Variants in SORCS1 observed in about 807,000 individuals in gnomAD.
The protein encoded by SORCS1 is VPS10 domain-containing receptor SorCS1.
In SORCS1, 60 loss-of-function variants were observed where a neutral mutation model predicts 146.1. The ratio of observed to expected loss-of-function variants is 0.41; its 90% CI spans 0.33 to 0.51. The LOEUF (loss-of-function observed/expected upper bound fraction) is 0.51. Ranked by LOEUF, SORCS1 falls within the 20% of genes least tolerant of loss-of-function variation. SORCS1 has a pLI of 0.21. For missense variants in SORCS1, 1,352 were observed against 1,487.6 expected, an observed-to-expected ratio of 0.91 and a Z score of 1.50; for synonymous variants, 637 against 584.0, an observed-to-expected ratio of 1.09 and a Z score of -1.31.
At chr10:106,922,040 T>C (rs1466161906) in intron 2 of SORCS1, among the ~76,000 whole-genome samples, 1 of 152,074 alleles carries the variant, frequency 6.6e-6, no homozygotes, top group Non-Finnish European at 1.5e-5. Context: ...TTAAGAAATA[T>C]AAGAAAGGTC....
At chr10:107,154,663 A>T (rs1969134747) in intron 1 of SORCS1, among the ~76,000 whole-genome samples, 1 of 152,198 alleles carries the variant, frequency 6.6e-6, no homozygotes, top group Non-Finnish European at 1.5e-5. Context: ...AAGAAAATAG[A>T]ACTGGACCGA....
chr10:106,767,438 T>C (rs900321155), intron 4 of SORCS1, among the ~76,000 whole-genome samples: 4 of 152,134 alleles, frequency 2.6e-5, no homozygotes, highest in Non-Finnish European at 5.9e-5. Flanking sequence ...TCTGGAGGTA[T>C]ATAGGAAAAT....
rs181088066 is a variant in SORCS1, at chr10:106,818,152, C to T, written c.726+11422G>A. ...TTAATCTCTTCTTAATATTATACCC[C>T]TAAATTTCATCAATAGTTCTGACTG... On this transcript the variant is annotated intron_variant, in intron 3 of 25. Coordinates refer to ENST00000263054, the MANE Select transcript of SORCS1 (RefSeq NM_052918.5). Among the ~76,000 whole-genome samples, 198 of 152,234 alleles carry T rather than the reference C, an allele frequency of 1.3e-3. 1 individual carries two copies. Among genetic ancestry groups the T allele is most frequent in the Non-Finnish European group, 2.0e-3 (138 of 68,020 alleles).
intron 3 of SORCS1, among the ~76,000 whole-genome samples, chr10:106,796,166 C>G (rs1205476265): frequency 1.3e-5 from 2 of 152,154 alleles, no homozygotes; most frequent in Non-Finnish European, 1.5e-5. Context: ...GCAAAACATA[C>G]AAGGACTGCC....
chr10:106,978,710 A>G (rs1395341390), intron 1 of SORCS1, among the ~76,000 whole-genome samples: 1 of 151,966 alleles, frequency 6.6e-6, no homozygotes, highest in Non-Finnish European at 1.5e-5. Context: ...AGGCAGGAGA[A>G]TCCCTTGAAC....
chr10:106,706,619 G>C lies in SORCS1; in HGVS notation c.1159C>G (p.Arg387Gly), dbSNP rs369334370. 1 of 1,614,032 alleles carries C rather than the reference G, an allele frequency of 6.2e-7. No individual in the cohort carries two copies. Among genetic ancestry groups the C allele is most frequent in the Admixed American group, 1.7e-5 (1 of 60,006 alleles). ...CGGTAGGACACGTAGTAATGTGGCC[G>C]CCCTCCTGATGTCAGCTGGATCATA... ...YVFVQLTSGG[R>G]PHYYVSYRRN... The change falls in exon 8 of 26, where the codon CGG becomes GGG. Residue 387 changes from arginine to glycine, a missense_variant. Physicochemically the swap from Arg to Gly is moderately radical, Grantham distance 125. Transcript: ENST00000263054.
chr10:106,702,021 T>C (rs535866933), intron 8 of SORCS1, among the ~76,000 whole-genome samples: 5 of 152,236 alleles, frequency 3.3e-5, no homozygotes, highest in South Asian at 4.1e-4. Context: ...CCTAACTATA[T>C]ACACGATAAG....
intron 4 of SORCS1, among the ~76,000 whole-genome samples, chr10:106,772,985 T>C (rs975295428): frequency 6.6e-6 from 1 of 152,042 alleles, no homozygotes; most frequent in African/African-American, 2.4e-5. Flanking sequence ...TGGCTATGTG[T>C]TCAAAAGACG....
intron 5 of SORCS1, among the ~76,000 whole-genome samples, chr10:106,740,527 G>C (rs1857290418): frequency 6.6e-6 from 1 of 152,100 alleles, no homozygotes; most frequent in Admixed American, 6.5e-5. Context: ...ATGGAACACA[G>C]AGAAATTAAA....
At chr10:107,035,521 C>T (rs1958870056) in intron 1 of SORCS1, among the ~76,000 whole-genome samples, 1 of 152,094 alleles carries the variant, frequency 6.6e-6, no homozygotes, top group Non-Finnish European at 1.5e-5. Context: ...TCATTAGTAA[C>T]AAATTAAAAG....
chr10:106,791,182 A>G (rs959388691), intron 3 of SORCS1, among the ~76,000 whole-genome samples: 4 of 152,198 alleles, frequency 2.6e-5, no homozygotes, highest in Admixed American at 6.5e-5. Flanking sequence ...CCCACTTTAA[A>G]GCCGCACTTC....
At chr10:106,919,650 T>C (rs376110068) in intron 2 of SORCS1, among the ~76,000 whole-genome samples, 13 of 152,314 alleles carry the variant, frequency 8.5e-5, no homozygotes, top group African/African-American at 3.1e-4. Context: ...CGGTACTACA[T>C]AGTAAATGTC....
At position 106,677,409 on chromosome 10, in the gene SORCS1, A is replaced by G. The variant is rs752806905; in HGVS notation, c.1741-5T>C. 8 of 1,613,652 alleles carry G rather than the reference A, an allele frequency of 5.0e-6. No homozygotes were observed. The highest frequency in any genetic ancestry group is 8.5e-7 in the Non-Finnish European group (1 of 1,179,602). ...ACTGTGCTCTTCTTCAAAGATCTGG[A>G]TGAGGAAAACACATACATGGACACA... On this transcript the variant is annotated splice_region_variant and splice_polypyrimidine_tract_variant and intron_variant, in intron 12 of 25. Coordinates refer to ENST00000263054, the MANE Select transcript of SORCS1 (RefSeq NM_052918.5).
intron 2 of SORCS1, among the ~76,000 whole-genome samples, chr10:106,942,014 A>T (rs1589754371): frequency 6.6e-6 from 1 of 152,232 alleles, no homozygotes; most frequent in Non-Finnish European, 1.5e-5. Context: ...GGAATTGACA[A>T]GTAGATCTAG....
At chr10:107,013,947 C>A (rs1355394897) in intron 1 of SORCS1, among the ~76,000 whole-genome samples, 2 of 151,932 alleles carry the variant, frequency 1.3e-5, no homozygotes, top group Non-Finnish European at 2.9e-5. Flanking sequence ...TTCTGGCTAC[C>A]CTTGGAGGGG....
intron 21 of SORCS1, among the ~76,000 whole-genome samples, chr10:106,613,790 T>C (rs535064335): frequency 4.6e-5 from 7 of 152,142 alleles, no homozygotes; most frequent in Non-Finnish European, 4.4e-5. Flanking sequence ...GGGGACTTCC[T>C]TTGTCCTGTC....
At chr10:106,755,702 T>C in intron 5 of SORCS1, among the ~76,000 whole-genome samples, 1 of 151,984 alleles carries the variant, frequency 6.6e-6, no homozygotes, top group East Asian at 1.9e-4. Flanking sequence ...ATTCTTGGGG[T>C]AGATATGTGT....
intron 1 of SORCS1, among the ~76,000 whole-genome samples, chr10:107,133,142 A>C (rs2134649112): frequency 6.6e-6 from 1 of 152,356 alleles, no homozygotes; most frequent in East Asian, 1.9e-4. Context: ...AATTTTAAAT[A>C]GAATTTTGAA....
At chr10:106,937,145 T>TA (rs1953763006) in intron 2 of SORCS1, among the ~76,000 whole-genome samples, 1 of 151,260 alleles carries the variant, frequency 6.6e-6, no homozygotes, top group Non-Finnish European at 1.5e-5. Context: ...CTGTTCTTGT[T>TA]ATAGTGAATA....
Sources: gnomAD v4.1 joint callset for allele counts (sites outside exome capture counted in the v4.1 genomes callset) on GRCh38, gnomAD v4.1.1 for gene constraint, MANE v1.5 for transcripts, NCBI Gene and HGNC (gene_info 2026-07-23, HGNC 2026-07-21) for gene names.